SCAPER: variants seen among roughly 807,000 people sequenced by gnomAD.
SCAPER encodes S phase cyclin A-associated protein in the endoplasmic reticulum.
In SCAPER, 98 loss-of-function variants were observed where a neutral mutation model predicts 182.2. The ratio of observed to expected loss-of-function variants is 0.54; its 90% CI spans 0.46 to 0.64. SCAPER has a LOEUF of 0.64. Among genes scored for constraint, SCAPER ranks in the 30% least tolerant of loss-of-function variants. The probability of loss-of-function intolerance (pLI) is 0.00; values close to 1 mark genes in which losing one functional copy is unlikely to be tolerated. For synonymous variants in SCAPER, 605 were observed against 564.6 expected, an observed-to-expected ratio of 1.07 and a Z score of -1.01; for missense variants, 1,432 against 1,690.0, an observed-to-expected ratio of 0.85 and a Z score of 2.68.
intron 25 of SCAPER, among the ~76,000 whole-genome samples, chr15:76,445,702 G>C (rs1453440359): frequency 6.6e-6 from 1 of 152,120 alleles, no homozygotes; most frequent in Non-Finnish European, 1.5e-5. Context: ...GTGAGTCCTG[G>C]CATCTCACTT....
intron 22 of SCAPER, among the ~76,000 whole-genome samples, chr15:76,605,508 G>A (rs1490084833): frequency 6.6e-6 from 1 of 152,178 alleles, no homozygotes; most frequent in Non-Finnish European, 1.5e-5. Context: ...TCTCTGCCAG[G>A]CTTTGGTATC....
chr15:76,737,650 G>C (rs775915384), intron 15 of SCAPER, among the ~76,000 whole-genome samples: 1 of 152,204 alleles, frequency 6.6e-6, no homozygotes, highest in African/African-American at 2.4e-5. Flanking sequence ...CTATAGCTAT[G>C]AAAGTCCTAG....
intron 23 of SCAPER, among the ~76,000 whole-genome samples, chr15:76,538,101 CTT>C (rs1467953376): frequency 6.7e-6 from 1 of 149,138 alleles, no homozygotes; most frequent in African/African-American, 2.5e-5. Flanking sequence ...AATAGGAACA[CTT>C]TTACACTGTT....
intron 1 of SCAPER, among the ~76,000 whole-genome samples, chr15:76,898,576 C>T (rs2074559145): frequency 6.6e-6 from 1 of 152,188 alleles, no homozygotes; most frequent in South Asian, 2.1e-4. Context: ...GAATGAAGGG[C>T]TGATATGTGC....
chr15:76,740,040 C>T (rs1002390020), intron 15 of SCAPER, among the ~76,000 whole-genome samples: 2 of 152,066 alleles, frequency 1.3e-5, no homozygotes, highest in African/African-American at 4.8e-5. Context: ...GTGGCACATG[C>T]CTATAGTCCC....
intron 8 of SCAPER, among the ~76,000 whole-genome samples, chr15:76,792,088 T>A: frequency 6.7e-6 from 1 of 148,864 alleles, no homozygotes; most frequent in African/African-American, 2.5e-5. Context: ...TAATACACAG[T>A]GTTAAGACTG....
intron 23 of SCAPER, among the ~76,000 whole-genome samples, chr15:76,561,624 T>C (rs897429177): frequency 5.3e-5 from 8 of 152,084 alleles, no homozygotes; most frequent in African/African-American, 1.7e-4. Flanking sequence ...GTAGGTAGAA[T>C]ACAGTTATTA....
At chr15:76,363,549 G>A (rs946394204) in intron 29 of SCAPER, among the ~76,000 whole-genome samples, 1 of 152,162 alleles carries the variant, frequency 6.6e-6, no homozygotes, top group Admixed American at 6.5e-5. Flanking sequence ...CGGTTCCATT[G>A]GTTGGTGTGG....
intron 26 of SCAPER, among the ~76,000 whole-genome samples, chr15:76,433,465 G>A (rs2046995080): frequency 2.6e-5 from 4 of 152,192 alleles, no homozygotes; most frequent in East Asian, 1.9e-4. Context: ...CCAAGGTTGC[G>A]CTGCACCACT....
intron 24 of SCAPER, among the ~76,000 whole-genome samples, chr15:76,502,387 C>G (rs1420438090): frequency 1.3e-5 from 2 of 152,128 alleles, no homozygotes; most frequent in Non-Finnish European, 2.9e-5. Context: ...GAATACTATG[C>G]AGCCATAAAA....
At chr15:76,353,422 A>G (rs1332461347) in intron 30 of SCAPER, among the ~76,000 whole-genome samples, 1 of 152,246 alleles carries the variant, frequency 6.6e-6, no homozygotes, top group African/African-American at 2.4e-5. Flanking sequence ...GTACTTTGCT[A>G]TGGCACTAAT....
At position 76,757,229 on chromosome 15, in the gene SCAPER, T is replaced by C. The variant is rs150271687; in HGVS notation, c.1726-3281A>G. ...TTGTACATTACCTCACCAGAAATTATTAATCTTGCATAAGTCAAACTGTTG... is the reference window on the plus strand; with the variant it reads ...TTGTACATTACCTCACCAGAAATTACTAATCTTGCATAAGTCAAACTGTTG... On this transcript the variant is annotated intron_variant, in intron 14 of 31. Coordinates refer to ENST00000563290, the MANE Select transcript of SCAPER (RefSeq NM_020843.4). Among the ~76,000 whole-genome samples the C allele has an allele frequency of 6.8e-3, 1,037 of 152,314 alleles. 15 individuals are homozygous for C. The highest frequency in any genetic ancestry group is 0.024 in the African/African-American group (981 of 41,568).
At chr15:76,490,061 G>A (rs1269773768) in intron 24 of SCAPER, among the ~76,000 whole-genome samples, 1 of 152,142 alleles carries the variant, frequency 6.6e-6, no homozygotes, top group Admixed American at 6.5e-5. Context: ...GGACATTCAA[G>A]TTGTTTCCCC....
intron 29 of SCAPER, among the ~76,000 whole-genome samples, chr15:76,374,314 G>A (rs996182862): frequency 2.0e-5 from 3 of 151,728 alleles, no homozygotes; most frequent in African/African-American, 4.8e-5. Context: ...ACTTGAACCG[G>A]GAGGCAGAGG....
At chr15:76,646,961 C>A (rs2054599337) in intron 21 of SCAPER, among the ~76,000 whole-genome samples, 1 of 152,154 alleles carries the variant, frequency 6.6e-6, no homozygotes, top group South Asian at 2.1e-4. Flanking sequence ...GGCAGACCAT[C>A]ATGCCTTGAG....
chr15:76,553,454 A>T (rs1362483049), intron 23 of SCAPER, among the ~76,000 whole-genome samples: 1 of 152,180 alleles, frequency 6.6e-6, no homozygotes, highest in Non-Finnish European at 1.5e-5. Context: ...CCACTCCCAC[A>T]GGTGTCCCCT....
At position 76,800,358 on chromosome 15, in the gene SCAPER, T is replaced by C; in HGVS notation, c.501A>G (p.Thr167=). 2 of 1,602,422 alleles carry C rather than the reference T, an allele frequency of 1.2e-6. No homozygotes were observed. Among genetic ancestry groups the C allele is most frequent in the Non-Finnish European group, 1.7e-6 (2 of 1,170,190 alleles). ...TCTTCTTTACTTCCCATGCCAATGA[T>C]GTTGGTCTGCGAATTCAATATATAA... The part of the protein sequence containing the change: ...LEKTDAQSRP[T]SLAWEVKKMS... Residue 167 remains threonine (T), a synonymous_variant, in exon 7 of 32, where the codon ACA becomes ACG. Coordinates refer to ENST00000563290, the MANE Select transcript of SCAPER (RefSeq NM_020843.4).
intron 4 of SCAPER, among the ~76,000 whole-genome samples, chr15:76,854,966 C>T (rs1477953724): frequency 7.4e-5 from 11 of 148,888 alleles, no homozygotes; most frequent in Non-Finnish European, 1.0e-4. Context: ...AGCGAGACTC[C>T]GTCCCAAAAA....
intron 25 of SCAPER, among the ~76,000 whole-genome samples, chr15:76,455,196 T>C (rs896367690): frequency 2.0e-5 from 3 of 152,198 alleles, no homozygotes; most frequent in Non-Finnish European, 4.4e-5. Context: ...TTCATTGTTG[T>C]TATTTCCGTT....
Sources: gnomAD v4.1 joint callset for allele counts (sites outside exome capture counted in the v4.1 genomes callset) on GRCh38, gnomAD v4.1.1 for gene constraint, MANE v1.5 for transcripts, NCBI Gene and HGNC (gene_info 2026-07-23, HGNC 2026-07-21) for gene names.